SLC39A11: variants seen among roughly 807,000 people sequenced by gnomAD.
The protein encoded by SLC39A11 is solute carrier family 39 member 11, also known as zinc transporter ZIP11.
A neutral mutation model predicts 36.1 loss-of-function variants in SLC39A11; 33 were observed. The ratio of observed to expected loss-of-function variants is 0.91; its 90% confidence interval spans 0.69 to 1.22. The LOEUF (loss-of-function observed/expected upper bound fraction) is 1.22, where lower values mean the gene tolerates loss of function less well. Ranked by LOEUF, SLC39A11 falls within the 50% of genes most tolerant of loss-of-function variation. The pLI is 0.00. For missense variants in SLC39A11, 432 were observed against 430.3 expected (o/e 1.00, Z -0.03); for synonymous variants, 166 against 170.3 (o/e 0.97, Z 0.20).
intron 4 of SLC39A11, among the ~76,000 whole-genome samples, chr17:73,014,821 C>A (rs907656655): frequency 1.3e-5 from 2 of 152,164 alleles, no homozygotes; most frequent in African/African-American, 4.8e-5. Context: ...AGCCCCTGGC[C>A]GGCCTGCAGC....
chr17:72,678,121 G>A (rs2071354297), intron 7 of SLC39A11, among the ~76,000 whole-genome samples: 2 of 152,164 alleles, frequency 1.3e-5, no homozygotes, highest in African/African-American at 2.4e-5. Context: ...ACTTTCCTGA[G>A]CTCACAGCAA....
At chr17:73,091,374 G>A (rs2060917825) in intron 1 of SLC39A11, among the ~76,000 whole-genome samples, 1 of 152,064 alleles carries the variant, frequency 6.6e-6, no homozygotes, top group Admixed American at 6.5e-5. Context: ...AACCCGGGAG[G>A]CGGAGGTTGC....
chr17:72,909,556 G>GA (rs1033122898), intron 5 of SLC39A11, among the ~76,000 whole-genome samples: 6 of 151,380 alleles, frequency 4.0e-5, no homozygotes, highest in Admixed American at 1.3e-4. Context: ...AAATCCTAAG[G>GA]AAAAAAAAGA....
chr17:72,712,499 G>A (rs16977347), intron 7 of SLC39A11, among the ~76,000 whole-genome samples: 42,011 of 152,112 alleles, frequency 0.28, 7,233 homozygotes, highest in African/African-American at 0.49. Flanking sequence ...AAGGTGATCT[G>A]AAAGGCAATA....
At chr17:72,905,356 G>T (rs938340049) in intron 5 of SLC39A11, among the ~76,000 whole-genome samples, 1 of 151,228 alleles carries the variant, frequency 6.6e-6, no homozygotes, top group East Asian at 2.0e-4. Flanking sequence ...AGCAATTTGG[G>T]AGGCCAAGGC....
At chr17:72,989,063 G>A (rs1278612370) in intron 4 of SLC39A11, among the ~76,000 whole-genome samples, 1 of 152,206 alleles carries the variant, frequency 6.6e-6, no homozygotes, top group African/African-American at 2.4e-5. Context: ...CTAAAAAGAT[G>A]AGGAAGTTCT....
At chr17:73,082,264 AT>A (rs2060567737) in intron 3 of SLC39A11, among the ~76,000 whole-genome samples, 1 of 151,896 alleles carries the variant, frequency 6.6e-6, no homozygotes, top group South Asian at 2.1e-4. Context: ...ACTATTAGTG[AT>A]AGGAAAGAGA....
chr17:73,026,073 G>A (rs1245704185), intron 4 of SLC39A11, among the ~76,000 whole-genome samples: 2 of 151,976 alleles, frequency 1.3e-5, no homozygotes, highest in East Asian at 3.9e-4. Flanking sequence ...AGCCAAGATT[G>A]AGCAACTGCA....
intron 6 of SLC39A11, among the ~76,000 whole-genome samples, chr17:72,786,189 TCTGATGGAAACATCACC>T (rs2076508283): frequency 6.6e-6 from 1 of 152,218 alleles, no homozygotes; most frequent in Non-Finnish European, 1.5e-5. Context: ...CCAGCTGGAA[TCTGATGGAAACATCACC>T]CTTCCCATCC....
intron 7 of SLC39A11, among the ~76,000 whole-genome samples, chr17:72,694,463 A>C (rs2144484184): frequency 6.6e-6 from 1 of 152,264 alleles, no homozygotes; most frequent in East Asian, 1.9e-4. Flanking sequence ...CTCAGACATC[A>C]CGATACCCGG....
chr17:72,729,248 AT>A (rs972858452), intron 7 of SLC39A11, among the ~76,000 whole-genome samples: 2 of 146,394 alleles, frequency 1.4e-5, no homozygotes, highest in Non-Finnish European at 1.5e-5. Flanking sequence ...ATTTAGTTTT[AT>A]TTTTTTTGAG....
chr17:72,944,108 C>T (rs1001647621), intron 5 of SLC39A11, among the ~76,000 whole-genome samples: 1 of 152,158 alleles, frequency 6.6e-6, no homozygotes, highest in African/African-American at 2.4e-5. Flanking sequence ...ATTACTTATG[C>T]TTATAAAACC....
intron 5 of SLC39A11, among the ~76,000 whole-genome samples, chr17:72,937,228 C>G (rs527537228): frequency 1.1e-4 from 17 of 152,244 alleles, no homozygotes; most frequent in Middle Eastern, 3.4e-3. Context: ...ATCGCCTGAG[C>G]TCAGGAGTTC....
intron 4 of SLC39A11, among the ~76,000 whole-genome samples, chr17:72,952,501 T>G (rs1004857514): frequency 2.6e-5 from 4 of 152,196 alleles, no homozygotes; most frequent in African/African-American, 9.6e-5. Flanking sequence ...GAGCCCCATC[T>G]GCTCACTGGG....
chr17:72,943,776 C>A (rs560471190), intron 5 of SLC39A11, among the ~76,000 whole-genome samples: 1 of 152,268 alleles, frequency 6.6e-6, no homozygotes, highest in Admixed American at 6.5e-5. Flanking sequence ...ATAGTGATGA[C>A]AAAGTTCACT....
chr17:73,046,865 C>T (rs1047376195), intron 3 of SLC39A11, among the ~76,000 whole-genome samples: 3 of 151,440 alleles, frequency 2.0e-5, no homozygotes, highest in South Asian at 2.1e-4. Context: ...CGCTTGAGCC[C>T]GGGCGGTTGA....
intron 7 of SLC39A11, among the ~76,000 whole-genome samples, chr17:72,689,394 G>A (rs1265531243): frequency 6.6e-6 from 1 of 152,180 alleles, no homozygotes; most frequent in African/African-American, 2.4e-5. Context: ...TGAAAAGTGG[G>A]GAGAAGAGAC....
intron 7 of SLC39A11, among the ~76,000 whole-genome samples, chr17:72,710,393 A>T (rs1028775932): frequency 1.3e-5 from 2 of 152,210 alleles, no homozygotes; most frequent in African/African-American, 4.8e-5. Context: ...TAGTATTAAG[A>T]GGTGGGGCTT....
At chr17:72,784,902 C>A (rs1274467692) in intron 6 of SLC39A11, among the ~76,000 whole-genome samples, 1 of 150,334 alleles carries the variant, frequency 6.7e-6, no homozygotes, top group East Asian at 1.9e-4. Context: ...CTCTGTCGCC[C>A]AGGCTGGAGT....
Sources: gnomAD v4.1 joint callset for allele counts (sites outside exome capture counted in the v4.1 genomes callset) on GRCh38, gnomAD v4.1.1 for gene constraint, MANE v1.5 for transcripts, NCBI Gene and HGNC (gene_info 2026-07-23, HGNC 2026-07-21) for gene names.